The following PIR variants were observed in gnomAD, a reference collection of about 807,000 sequenced individuals.
The protein encoded by PIR is pirin.
In PIR, 22 loss-of-function variants were observed where a neutral mutation model predicts 24.2. The ratio of observed to expected loss-of-function variants is 0.91; its 90% CI spans 0.65 to 1.30. The LOEUF is 1.30. Ranked by LOEUF, PIR falls within the 50% of genes most tolerant of loss-of-function variation. PIR has a pLI of 0.00. For synonymous variants in PIR, 80 were observed against 79.6 expected (o/e 1.00, Z -0.03); for missense variants, 220 against 220.3 (o/e 1.00, Z 0.01).
intron 2 of PIR, among the ~76,000 whole-genome samples, chrX:15,482,846 G>A (rs183725074): frequency 9.0e-6 from 1 of 111,149 alleles, no homozygotes; most frequent in Non-Finnish European, 1.9e-5. Flanking sequence ...TAAATATTTT[G>A]TAAAATTTGT....
At chrX:15,424,983 A>G (rs780344367) in intron 6 of PIR, among the ~76,000 whole-genome samples, 9 of 110,388 alleles carry the variant, frequency 8.2e-5, no homozygotes, top group Middle Eastern at 4.6e-3. Context: ...TGGGTAACAG[A>G]GTGAGACCCC....
chrX:15,432,129 T>C (rs967051235), intron 5 of PIR, among the ~76,000 whole-genome samples: 4 of 111,217 alleles, frequency 3.6e-5, no homozygotes, highest in Admixed American at 2.9e-4. Context: ...ATCGTATGTA[T>C]TAATTAAGGC....
At chrX:15,450,029 TCTTTTCTGGTTTAA>T (rs1450662049) in intron 5 of PIR, among the ~76,000 whole-genome samples, 1 of 112,259 alleles carries the variant, frequency 8.9e-6, no homozygotes, top group Admixed American at 9.5e-5. Context: ...GTTTCTTTTT[TCTTTTCTGGTTTAA>T]CTTGATATTT....
In PIR at chrX:15,493,229, A is replaced by C. The variant is rs1169438223; in HGVS notation, c.-92T>G. 1.8e-5 allele frequency: 2 copies of C among 112,536 alleles called. No homozygotes were observed. Among genetic ancestry groups the C allele is most frequent in the Non-Finnish European group, 3.8e-5 (2 of 53,188 alleles). The allele number at this position is 112,536 out of a possible 1,213,427, so 9.3% of individuals were successfully genotyped here. A position where few individuals can be genotyped will look rare whatever the true frequency, so the allele number is the denominator to read the frequency against. On this transcript the variant is annotated 5_prime_UTR_variant, in exon 1 of 10. Transcript: ENST00000380420. ...ACCTGGAGCCTTAGCGGCGGGGGTGACGCGAAGAGCCGCCGGGAGCGAGTG... is the reference window on the plus strand; with the variant it reads ...ACCTGGAGCCTTAGCGGCGGGGGTGCCGCGAAGAGCCGCCGGGAGCGAGTG...
intron 5 of PIR, among the ~76,000 whole-genome samples, chrX:15,428,319 G>A (rs762086261): frequency 2.7e-5 from 3 of 111,654 alleles, no homozygotes; most frequent in East Asian, 5.6e-4. Context: ...GAAAGGGGCT[G>A]GTTTTGTCTG....
At chrX:15,470,576 TTTTCTTTC>T (rs1250260776) in intron 3 of PIR, among the ~76,000 whole-genome samples, 11 of 87,501 alleles carry the variant, frequency 1.3e-4, no homozygotes, top group Non-Finnish European at 1.4e-4. Context: ...CCCACTCAAT[TTTTCTTTC>T]TTTCTTTCTT....
chrX:15,416,276 A>G (rs1924912652), intron 6 of PIR, among the ~76,000 whole-genome samples: 1 of 112,004 alleles, frequency 8.9e-6, no homozygotes, highest in East Asian at 2.8e-4. Flanking sequence ...CAAAAAAATT[A>G]CTCATGAATT....
At chrX:15,393,031 C>G (rs776456841) in intron 8 of PIR, among the ~76,000 whole-genome samples, 2 of 111,572 alleles carry the variant, frequency 1.8e-5, no homozygotes, top group Non-Finnish European at 3.8e-5. Context: ...AATTAAATAC[C>G]CATTTAAAAC....
At chrX:15,476,118 T>C (rs897481608) in intron 3 of PIR, among the ~76,000 whole-genome samples, 2 of 111,984 alleles carry the variant, frequency 1.8e-5, no homozygotes, top group Non-Finnish European at 3.8e-5. Context: ...TAGATTCTGA[T>C]CCAGAGCTCT....
intron 7 of PIR, among the ~76,000 whole-genome samples, chrX:15,400,808 G>A (rs113984074): frequency 0.037 from 3,990 of 107,144 alleles, 187 homozygotes; most frequent in African/African-American, 0.13. Context: ...GTGCAGTGGC[G>A]CAATCTCAGC....
chrX:15,438,303 G>A (rs1194361491), intron 5 of PIR, among the ~76,000 whole-genome samples: 4 of 112,270 alleles, frequency 3.6e-5, no homozygotes, highest in African/African-American at 1.3e-4. Context: ...GATGGGCCAA[G>A]GTTTTCCTTT....
intron 5 of PIR, among the ~76,000 whole-genome samples, chrX:15,431,802 C>T (rs1220664190): frequency 1.8e-5 from 2 of 109,544 alleles, no homozygotes; most frequent in African/African-American, 6.7e-5. Flanking sequence ...CTAGCAGTAT[C>T]TGTTCTTGAA....
chrX:15,423,687 G>A (rs1031049219), intron 6 of PIR, among the ~76,000 whole-genome samples: 1 of 111,172 alleles, frequency 9.0e-6, no homozygotes, highest in Non-Finnish European at 1.9e-5. Context: ...TCTGACAAGG[G>A]ATGAATAACC....
intron 4 of PIR, among the ~76,000 whole-genome samples, chrX:15,457,102 A>G (rs1035185049): frequency 1.8e-5 from 2 of 112,167 alleles, no homozygotes; most frequent in Non-Finnish European, 3.8e-5. Context: ...TGAGAAGGTT[A>G]TATCTGTGGA....
intron 2 of PIR, among the ~76,000 whole-genome samples, chrX:15,484,904 A>G (rs1922730183): frequency 8.9e-6 from 1 of 112,210 alleles, no homozygotes; most frequent in African/African-American, 3.2e-5. Context: ...AAATGCAAGA[A>G]GAGAGAAATA....
intron 5 of PIR, among the ~76,000 whole-genome samples, chrX:15,431,952 C>A (rs1457408324): frequency 9.1e-6 from 1 of 110,166 alleles, no homozygotes; most frequent in African/African-American, 3.3e-5. Flanking sequence ...CATTGTAGTT[C>A]ATTTAAAAAG....
At chrX:15,488,278 C>CAAAAAAAAAAAAAAAA (rs1184870069) in intron 2 of PIR, among the ~76,000 whole-genome samples, 1 of 31,912 alleles carries the variant, frequency 3.1e-5, no homozygotes, top group African/African-American at 9.5e-5. Flanking sequence ...AACTCCGTCT[C>CAAAAAAAAAAAAAAAA]AAAAAAAAAA....
At chrX:15,393,172 T>A (rs1024784217) in intron 8 of PIR, among the ~76,000 whole-genome samples, 7 of 112,287 alleles carry the variant, frequency 6.2e-5, no homozygotes, top group Non-Finnish European at 1.1e-4. Context: ...GTCTTTTGCT[T>A]TGGTGCACCT....
intron 9 of PIR, among the ~76,000 whole-genome samples, chrX:15,388,846 T>C (rs1192996629): frequency 8.9e-6 from 1 of 112,380 alleles, no homozygotes; most frequent in Non-Finnish European, 1.9e-5. Context: ...AACTTAAATG[T>C]CTGAGTTTTT....
Sources: gnomAD v4.1 joint callset for allele counts (sites outside exome capture counted in the v4.1 genomes callset) on GRCh38, gnomAD v4.1.1 for gene constraint, MANE v1.5 for transcripts, NCBI Gene and HGNC (gene_info 2026-07-23, HGNC 2026-07-21) for gene names.